SOX6: variants seen among roughly 807,000 people sequenced by gnomAD.
The protein encoded by SOX6 is SRY-box transcription factor 6.
SOX6 carries 11 observed loss-of-function variants against 97.8 expected under a neutral mutation model. The observed-to-expected ratio is 0.11, with a 90% CI of 0.07 to 0.19. SOX6 has a LOEUF of 0.19. Among genes scored for constraint, SOX6 ranks in the 10% least tolerant of loss-of-function variants. The probability of loss-of-function intolerance (pLI) is 1.00; values close to 1 mark genes in which losing one functional copy is unlikely to be tolerated. For missense variants in SOX6, 810 were observed against 1,039.5 expected (o/e 0.78, Z 3.04); for synonymous variants, 360 against 371.4 (o/e 0.97, Z 0.35).
At position 16,096,138 on chromosome 11, in the gene SOX6, G is replaced by T. The variant is rs199740166; in HGVS notation, c.979-20C>A. 1 of 1,338,460 alleles carries T rather than the reference G, an allele frequency of 7.5e-7. No individual in the cohort carries two copies. Among genetic ancestry groups the T allele is most frequent in the Non-Finnish European group, 1.0e-6 (1 of 982,884 alleles). The allele number at this position is 1,338,460 out of a possible 1,614,324, so 82.9% of individuals were successfully genotyped here. ...ACCCTTCTGTTTAGTAGCATATTCA[G>T]AAAAAAAAAAAAAGACAAAACATAC... On this transcript the variant is annotated intron_variant, in intron 8 of 15. Transcript: ENST00000683767.
intron 3 of SOX6, among the ~76,000 whole-genome samples, chr11:16,258,406 A>C (rs1237896499): frequency 6.6e-6 from 1 of 152,044 alleles, no homozygotes; most frequent in East Asian, 1.9e-4. Flanking sequence ...AAGCTATGAA[A>C]AGACGCGAAG....
intron 6 of SOX6, among the ~76,000 whole-genome samples, chr11:16,118,547 A>G (rs1849409096): frequency 1.3e-5 from 2 of 152,212 alleles, no homozygotes. Context: ...TTAAAGATAC[A>G]TGAATGGGCT....
chr11:16,710,483 T>C lies in SOX6; in HGVS notation n.429+4347A>G, dbSNP rs1347469440. On this transcript the variant is annotated intron_variant and non_coding_transcript_variant, in intron 3 of 5. Transcript: ENST00000524520. ...GCCATTTCTCTGTGCTTATCTTCACTTCTCATCAGCATTCAATGAAATCAT... is the reference window on the plus strand; with the variant it reads ...GCCATTTCTCTGTGCTTATCTTCACCTCTCATCAGCATTCAATGAAATCAT... Among the ~76,000 whole-genome samples, 4 of 152,338 alleles carry C rather than the reference T, an allele frequency of 2.6e-5. No homozygotes were observed. In the East Asian group the frequency reaches 7.7e-4, roughly 29 times the overall value.
At chr11:16,011,910 A>T (rs1854741907) in intron 13 of SOX6, among the ~76,000 whole-genome samples, 1 of 152,046 alleles carries the variant, frequency 6.6e-6, no homozygotes, top group African/African-American at 2.4e-5. Flanking sequence ...AGCACAAAGA[A>T]GTCCTGATCT....
At chr11:16,276,087 T>C (rs990534) in intron 3 of SOX6, among the ~76,000 whole-genome samples, 118,718 of 152,078 alleles carry the variant, frequency 0.78, 46,483 homozygotes, top group Non-Finnish European at 0.8. Flanking sequence ...GGAAACTTCC[T>C]CAAGTCCAGA....
At chr11:16,145,597 A>C (rs1450041681) in intron 6 of SOX6, among the ~76,000 whole-genome samples, 1 of 152,178 alleles carries the variant, frequency 6.6e-6, no homozygotes, top group Non-Finnish European at 1.5e-5. Flanking sequence ...TATATTTAGA[A>C]AACCCCATCG....
intron 3 of SOX6, among the ~76,000 whole-genome samples, chr11:16,242,999 C>T (rs1853238187): frequency 6.6e-6 from 1 of 151,792 alleles, no homozygotes; most frequent in Non-Finnish European, 1.5e-5. Flanking sequence ...TTTTTCACTT[C>T]CCCTCTTTGA....
At chr11:16,397,772 T>G (rs1358337317) in intron 1 of SOX6, among the ~76,000 whole-genome samples, 1 of 151,490 alleles carries the variant, frequency 6.6e-6, no homozygotes, top group Non-Finnish European at 1.5e-5. Context: ...AAATCTTTGT[T>G]AGATATTACA....
chr11:16,241,214 T>C (rs1442294322), intron 3 of SOX6, among the ~76,000 whole-genome samples: 1 of 152,080 alleles, frequency 6.6e-6, no homozygotes, highest in Non-Finnish European at 1.5e-5. Context: ...TTTCCTAAAA[T>C]TACTGTTGAA....
At chr11:16,064,192 T>G (rs1455249435) in intron 9 of SOX6, among the ~76,000 whole-genome samples, 1 of 151,530 alleles carries the variant, frequency 6.6e-6, no homozygotes, top group African/African-American at 2.4e-5. Context: ...TAACCCCACA[T>G]TAATAGACTG....
chr11:16,386,328 CT>C (rs1286711084), intron 1 of SOX6, among the ~76,000 whole-genome samples: 2 of 124,064 alleles, frequency 1.6e-5, no homozygotes, highest in African/African-American at 3.2e-5. Flanking sequence ...TTGGAAAAAC[CT>C]TTTTTGCGGG....
chr11:16,324,154 A>G (rs1340465318), intron 2 of SOX6, among the ~76,000 whole-genome samples: 1 of 152,136 alleles, frequency 6.6e-6, no homozygotes, highest in African/African-American at 2.4e-5. Context: ...ACTGCACTCC[A>G]GCCTGGGCAA....
intron 3 of SOX6, among the ~76,000 whole-genome samples, chr11:16,256,164 G>T (rs1261113439): frequency 6.6e-6 from 1 of 151,934 alleles, no homozygotes; most frequent in Non-Finnish European, 1.5e-5. Context: ...TCTTTCAGAA[G>T]ATAGAAGCAA....
rs1847673730 is a variant in SOX6 at position 16,550,687 on chromosome 11, T to C, written n.609+61394A>G. On this transcript the variant is annotated intron_variant and non_coding_transcript_variant, in intron 4 of 5. Coordinates refer to the SOX6 transcript ENST00000524520. Reference sequence around the variant, plus strand: ...CTGTGGGTTTTCTGACTTATGGCAATAATAACACAAAAAGCAGTAAGGAAG... The same window carrying C: ...CTGTGGGTTTTCTGACTTATGGCAACAATAACACAAAAAGCAGTAAGGAAG... Among the ~76,000 whole-genome samples the C allele has an allele frequency of 3.3e-5, 5 of 152,018 alleles. No individual in the cohort carries two copies. The South Asian group carries it at 1.0e-3, about 31-fold the overall frequency.
intron 15 of SOX6, among the ~76,000 whole-genome samples, chr11:15,978,877 CATTATATATAATATAT>C (rs939215479): frequency 3.1e-5 from 4 of 128,348 alleles, no homozygotes; most frequent in Admixed American, 8.1e-5. Flanking sequence ...AACATATAAG[CATTATATATAATATAT>C]ATTATATATA....
rs532585195 is a variant in SOX6, at chr11:16,145,497, C to T, written c.778-33574G>A. Among the ~76,000 whole-genome samples the T allele has an allele frequency of 8.5e-5, 13 of 152,218 alleles. No homozygotes were observed. In the East Asian group the frequency reaches 1.7e-3, roughly 20 times the overall value. On this transcript the variant is annotated intron_variant, in intron 6 of 15. Coordinates refer to ENST00000683767, the MANE Select transcript of SOX6 (RefSeq NM_001367873.1). ...TTCAACACAATGTTGGAAGTTCTGGCCAGGGCAATCAGGCAGGAGAAAGAA... is the reference window on the plus strand; with the variant it reads ...TTCAACACAATGTTGGAAGTTCTGGTCAGGGCAATCAGGCAGGAGAAAGAA...
At chr11:16,627,607 T>C (rs1848641110) in intron 3 of SOX6, among the ~76,000 whole-genome samples, 1 of 152,220 alleles carries the variant, frequency 6.6e-6, no homozygotes, top group African/African-American at 2.4e-5. Context: ...TTTTGAGAAG[T>C]GTCTGTTCAC....
chr11:16,090,853 G>A (rs116837353), intron 9 of SOX6, among the ~76,000 whole-genome samples: 1,627 of 152,114 alleles, frequency 0.011, 34 homozygotes, highest in African/African-American at 0.037. Flanking sequence ...GAGTAGAATT[G>A]ACTGCTTACT....
At chr11:16,070,647 C>T (rs1054868002) in intron 9 of SOX6, among the ~76,000 whole-genome samples, 7 of 152,178 alleles carry the variant, frequency 4.6e-5, no homozygotes, top group African/African-American at 1.2e-4. Flanking sequence ...TCTGAAACCA[C>T]GTCAGTATCC....
Sources: allele counts gnomAD v4.1 joint callset (sites outside exome capture counted in the v4.1 genomes callset), GRCh38; gene constraint gnomAD v4.1.1; transcripts MANE v1.5; gene names NCBI Gene and HGNC (gene_info 2026-07-23, HGNC 2026-07-21).